Variants in MLLT3 observed in about 807,000 individuals in gnomAD.
MLLT3 encodes the protein protein AF-9.
MLLT3 carries 4 observed loss-of-function variants against 53.2 expected under a neutral mutation model. The ratio of observed to expected loss-of-function variants is 0.08; its 90% CI spans 0.04 to 0.17. The LOEUF is 0.17. Among genes scored for constraint, MLLT3 ranks in the 10% least tolerant of loss-of-function variants. The pLI is 1.00. For missense variants in MLLT3, 569 were observed against 684.0 expected (o/e 0.83, Z 1.87); for synonymous variants, 283 against 230.6 (o/e 1.23, Z -2.06).
At chr9:20,472,327 A>C (rs1294553903) in intron 2 of MLLT3, among the ~76,000 whole-genome samples, 5 of 152,114 alleles carry the variant, frequency 3.3e-5, no homozygotes, top group African/African-American at 1.2e-4. Flanking sequence ...TGCCACTGCC[A>C]TCACCTATTT....
intron 2 of MLLT3, among the ~76,000 whole-genome samples, chr9:20,558,806 T>C (rs1819127613): frequency 6.6e-6 from 1 of 152,234 alleles, no homozygotes; most frequent in South Asian, 2.1e-4. Context: ...TGAGAAACTG[T>C]TGGCATCATT....
chr9:20,530,222 G>C lies in MLLT3; in HGVS notation c.194-73436C>G, dbSNP rs1818297631. ...TCAATAAACTGATTTCACAAATGAA[G>C]GAAGATTAGACCAGGAAGTCATACA... On this transcript the variant is annotated intron_variant, in intron 2 of 10. Transcript: ENST00000380338. 2.0e-5 allele frequency among the ~76,000 whole-genome samples: 3 copies of C among 152,252 alleles called. No homozygotes were observed. The South Asian group carries it at 6.2e-4, about 32-fold the overall frequency.
chr9:20,549,143 T>A (rs1053080931), intron 2 of MLLT3, among the ~76,000 whole-genome samples: 6 of 152,098 alleles, frequency 3.9e-5, no homozygotes, highest in African/African-American at 1.4e-4. Context: ...ATAACAATAA[T>A]AATAAAATGA....
intron 2 of MLLT3, among the ~76,000 whole-genome samples, chr9:20,585,064 T>C (rs1386640369): frequency 6.6e-6 from 1 of 152,216 alleles, no homozygotes. Flanking sequence ...CATTAATCTG[T>C]TCAGGTTGCC....
chr9:20,432,833 G>A (rs551050719), intron 4 of MLLT3, among the ~76,000 whole-genome samples: 1 of 152,076 alleles, frequency 6.6e-6, no homozygotes, highest in East Asian at 1.9e-4. Context: ...TCCTACATAT[G>A]TATGCTTTTG....
At chr9:20,404,325 A>G (rs1822528678) in intron 5 of MLLT3, among the ~76,000 whole-genome samples, 1 of 152,188 alleles carries the variant, frequency 6.6e-6, no homozygotes, top group African/African-American at 2.4e-5. Context: ...CCCTGCCAAC[A>G]TCAGGTCTTC....
At chr9:20,369,972 T>C (rs1293079225) in intron 5 of MLLT3, among the ~76,000 whole-genome samples, 2 of 152,226 alleles carry the variant, frequency 1.3e-5, no homozygotes, top group Non-Finnish European at 2.9e-5. Context: ...TCTGATTTTT[T>C]CCCCTTCTTA....
At chr9:20,349,591 A>G (rs1218822668) in intron 10 of MLLT3, among the ~76,000 whole-genome samples, 2 of 152,212 alleles carry the variant, frequency 1.3e-5, no homozygotes, top group African/African-American at 4.8e-5. Context: ...GACCCAATAT[A>G]GTTGTTCCCT....
At chr9:20,487,399 T>C (rs1477863880) in intron 2 of MLLT3, among the ~76,000 whole-genome samples, 1 of 152,146 alleles carries the variant, frequency 6.6e-6, no homozygotes, top group Non-Finnish European at 1.5e-5. Context: ...GATTAAGTTA[T>C]TTACAAAATA....
chr9:20,590,446 C>T (rs995914318), intron 2 of MLLT3, among the ~76,000 whole-genome samples: 4 of 152,206 alleles, frequency 2.6e-5, no homozygotes, highest in South Asian at 2.1e-4. Context: ...GTTTCCCCCA[C>T]GCTGTTCTCA....
rs747272925 is a variant in MLLT3, at chr9:20,622,237, G to C, written c.12+8C>G. On this transcript the variant is annotated splice_region_variant and intron_variant, in intron 1 of 10. Coordinates refer to ENST00000380338, the MANE Select transcript of MLLT3 (RefSeq NM_004529.4). ...AGGGCTTTTATTATTATTTTTGCGCGTACTTACCGAGCTAGCCATGCCTGG... is the reference window on the plus strand; with the variant it reads ...AGGGCTTTTATTATTATTTTTGCGCCTACTTACCGAGCTAGCCATGCCTGG... 3.7e-6 allele frequency: 6 copies of C among 1,602,112 alleles called. No individual in the cohort carries two copies. The East Asian group carries it at 6.8e-5, about 18-fold the overall frequency.
intron 2 of MLLT3, among the ~76,000 whole-genome samples, chr9:20,536,715 C>G (rs1164808023): frequency 1.3e-5 from 2 of 152,004 alleles, no homozygotes; most frequent in African/African-American, 2.4e-5. Flanking sequence ...GTAGTAGTGC[C>G]TATTTTGTTT....
intron 2 of MLLT3, among the ~76,000 whole-genome samples, chr9:20,483,299 G>A (rs942179894): frequency 1.3e-5 from 2 of 151,590 alleles, no homozygotes; most frequent in Non-Finnish European, 2.9e-5. Context: ...CAGTGGTGCA[G>A]TCATGGCTCA....
chr9:20,405,546 T>A (rs1409032828), intron 5 of MLLT3, among the ~76,000 whole-genome samples: 1 of 152,226 alleles, frequency 6.6e-6, no homozygotes, highest in African/African-American at 2.4e-5. Context: ...TCTTGCTCTG[T>A]CACTTCCACC....
chr9:20,420,431 C>A (rs1041362769), intron 4 of MLLT3, among the ~76,000 whole-genome samples: 2 of 151,888 alleles, frequency 1.3e-5, no homozygotes, highest in African/African-American at 2.4e-5. Context: ...TAAATGCCCC[C>A]AAAAGAAAGT....
intron 2 of MLLT3, among the ~76,000 whole-genome samples, chr9:20,474,290 G>A (rs1047831865): frequency 2.6e-5 from 4 of 152,212 alleles, no homozygotes; most frequent in African/African-American, 9.6e-5. Context: ...TTGAAGTGAT[G>A]AAAGAGTTTA....
In MLLT3 at chr9:20,567,077, G is replaced by A. The variant is rs111889051; in HGVS notation, c.193+53577C>T. ...GAATAGATCATTTATGGATTAGAAA[G>A]TGGGTCTGAATTGTGTTTGAATATT... On this transcript the variant is annotated intron_variant, in intron 2 of 10. Transcript: ENST00000380338. 5.3e-5 allele frequency among the ~76,000 whole-genome samples: 8 copies of A among 151,328 alleles called. 1 individual carries two copies. The highest frequency in any genetic ancestry group is 1.7e-4 in the African/African-American group (7 of 41,234).
At chr9:20,572,986 G>C (rs186427979) in intron 2 of MLLT3, among the ~76,000 whole-genome samples, 108 of 152,068 alleles carry the variant, frequency 7.1e-4, no homozygotes, top group Non-Finnish European at 1.3e-3. Flanking sequence ...TTATACACTT[G>C]CATATAAAAT....
intron 2 of MLLT3, among the ~76,000 whole-genome samples, chr9:20,587,296 T>C (rs1438629630): frequency 6.6e-6 from 1 of 152,156 alleles, no homozygotes; most frequent in Non-Finnish European, 1.5e-5. Context: ...ATAATCTTTT[T>C]CTTTATTCAC....
Sources: gnomAD v4.1 joint callset for allele counts (sites outside exome capture counted in the v4.1 genomes callset) on GRCh38, gnomAD v4.1.1 for gene constraint, MANE v1.5 for transcripts, NCBI Gene and HGNC (gene_info 2026-07-23, HGNC 2026-07-21) for gene names.